The following XPO4 variants were observed in gnomAD, a reference collection of about 807,000 sequenced individuals.
XPO4 encodes exportin-4.
In XPO4, 39 loss-of-function variants were observed where a neutral mutation model predicts 143.0. That is an observed-to-expected ratio of 0.27 (90% CI 0.21 to 0.36). The LOEUF (loss-of-function observed/expected upper bound fraction) is 0.36. XPO4 is among the 10% of genes least tolerant of loss of function. XPO4 has a pLI of 1.00. For synonymous variants in XPO4, 439 were observed against 474.0 expected (o/e 0.93, Z 0.96); for missense variants, 907 against 1,348.0 (o/e 0.67, Z 5.12).
intron 1 of XPO4, chr13:20,879,396 G>A: frequency 1.2e-6 from 1 of 844,386 alleles, no homozygotes; most frequent in Middle Eastern, 6.0e-4. Context: ...TTCAGACAAT[G>A]AATACCCACA....
At chr13:20,796,367 C>A in intron 17 of XPO4, 111 bp from the exon 18 acceptor site, 1 of 809,298 alleles carries the variant, frequency 1.2e-6, no homozygotes, top group African/African-American at 1.8e-5. Flanking sequence ...AGCAATAATT[C>A]TTGCTTTAAA....
chr13:20,891,796 A>T (rs1368228795), intron 1 of XPO4, among the ~76,000 whole-genome samples: 2 of 150,714 alleles, frequency 1.3e-5, no homozygotes, highest in African/African-American at 4.9e-5. Context: ...CCGGGAGGTG[A>T]AGGTTGCAGT....
intron 4 of XPO4, chr13:20,852,118 C>T (rs2060095669): frequency 1.0e-6 from 1 of 985,252 alleles, no homozygotes; most frequent in Admixed American, 6.2e-5. Context: ...AAATTCTACC[C>T]CAATACCAAA....
intron 1 of XPO4, among the ~76,000 whole-genome samples, chr13:20,875,591 A>G (rs2060343092): frequency 6.6e-6 from 1 of 152,150 alleles, no homozygotes; most frequent in African/African-American, 2.4e-5. Context: ...CCTCTCTCAC[A>G]TAAAGCCTCG....
At chr13:20,882,226 A>G (rs1350927713) in intron 1 of XPO4, among the ~76,000 whole-genome samples, 6 of 152,108 alleles carry the variant, frequency 3.9e-5, no homozygotes, top group East Asian at 1.9e-4. Context: ...GTCCCTTCAC[A>G]TTACTATAAA....
rs746682874 is a variant in XPO4 at position 20,796,155 on chromosome 13, CTCT to C, written c.2715_2717del (p.Glu906del). The C allele has an allele frequency of 9.9e-6, 16 of 1,613,718 alleles. No homozygotes were observed. Among genetic ancestry groups the C allele is most frequent in the Non-Finnish European group, 1.4e-5 (16 of 1,179,918 alleles). On this transcript the variant is annotated inframe_deletion, in exon 18 of 23. Transcript: ENST00000255305. ...TAATGAGAAGCAGGTCTTGGTATTGCTCTTCTTCTGCTGTAACATCTATTCTTT... is the reference window on the plus strand; with the variant it reads ...TAATGAGAAGCAGGTCTTGGTATTGCTCTTCTGCTGTAACATCTATTCTTT...
chr13:20,820,775 C>T (rs892217875), intron 9 of XPO4, among the ~76,000 whole-genome samples: 3 of 152,134 alleles, frequency 2.0e-5, no homozygotes, highest in African/African-American at 2.4e-5. Context: ...TAATCATTCT[C>T]GAGTTCTCTA....
At chr13:20,836,926 T>C (rs2059923369) in intron 6 of XPO4, among the ~76,000 whole-genome samples, 1 of 152,246 alleles carries the variant, frequency 6.6e-6, no homozygotes, top group African/African-American at 2.4e-5. Context: ...ATATAATTTG[T>C]GGTCTTTTGT....
intron 18 of XPO4, among the ~76,000 whole-genome samples, chr13:20,795,105 A>C (rs531046256): frequency 2.6e-5 from 4 of 152,268 alleles, no homozygotes; most frequent in African/African-American, 9.6e-5. Context: ...AGTCAAGTGG[A>C]TATTATAGCA....
intron 9 of XPO4, among the ~76,000 whole-genome samples, chr13:20,820,885 A>G (rs75375606): frequency 7.2e-4 from 110 of 152,362 alleles, no homozygotes; most frequent in African/African-American, 2.4e-3. Context: ...CTAACAAAAT[A>G]TCTACATTCT....
chr13:20,832,673 C>G (rs1281806045), intron 6 of XPO4, among the ~76,000 whole-genome samples: 1 of 152,100 alleles, frequency 6.6e-6, no homozygotes, highest in African/African-American at 2.4e-5. Context: ...ATTAAATTTT[C>G]TAACAACAAA....
intron 13 of XPO4, among the ~76,000 whole-genome samples, chr13:20,806,622 A>G (rs1830022481): frequency 8.1e-6 from 1 of 122,794 alleles, no homozygotes; most frequent in Non-Finnish European, 1.6e-5. Context: ...GTGCAATCTG[A>G]GCTCACTGCA....
intron 1 of XPO4, among the ~76,000 whole-genome samples, chr13:20,882,015 C>G (rs779775820): frequency 3.4e-5 from 5 of 148,980 alleles, no homozygotes; most frequent in Non-Finnish European, 7.4e-5. Context: ...GAGGCTGAGA[C>G]AGGAGAATCG....
At chr13:20,816,028 G>A (rs2059645912) in intron 9 of XPO4, among the ~76,000 whole-genome samples, 1 of 152,274 alleles carries the variant, frequency 6.6e-6, no homozygotes, top group African/African-American at 2.4e-5. Flanking sequence ...TTCTTAATCT[G>A]CGTGGTTGAT....
rs2059727811 is a variant in XPO4, at chr13:20,822,117, G to A, written c.998+15C>T. ...TAGAGCTCCTTTTTCAGCTGCAAAGGGCAAGTATACCTACCCATTGATAGT... is the reference window on the plus strand; with the variant it reads ...TAGAGCTCCTTTTTCAGCTGCAAAGAGCAAGTATACCTACCCATTGATAGT... On this transcript the variant is annotated intron_variant, in intron 8 of 22. Coordinates refer to ENST00000255305, the MANE Select transcript of XPO4 (RefSeq NM_022459.5). 2 of 1,591,648 alleles carry A rather than the reference G, an allele frequency of 1.3e-6. No individual in the cohort carries two copies. Among genetic ancestry groups the A allele is most frequent in the Non-Finnish European group, 8.5e-7 (1 of 1,169,890 alleles).
At chr13:20,897,081 A>C (rs2060576677) in intron 1 of XPO4, among the ~76,000 whole-genome samples, 1 of 152,210 alleles carries the variant, frequency 6.6e-6, no homozygotes, top group African/African-American at 2.4e-5. Flanking sequence ...GAGAAAAAGA[A>C]TGCTGTGCCA....
rs2059165538 is a variant in XPO4, at chr13:20,783,642, TA to T, written c.*79del. 3 of 1,479,814 alleles carry T rather than the reference TA, an allele frequency of 2.0e-6. No homozygotes were observed. The African/African-American group carries it at 4.2e-5, about 21-fold the overall frequency. 91.7% of individuals were successfully genotyped at this position (1,479,814 alleles called of 1,614,324 possible). ...CAAAATGGCCAAATGAACTGAGGAA[TA>T]GGACAAGACTCAAGTCAACTTTCAG... On this transcript the variant is annotated 3_prime_UTR_variant, in exon 23 of 23. Transcript: ENST00000255305.
At chr13:20,838,527 G>A (rs548527746) in intron 6 of XPO4, among the ~76,000 whole-genome samples, 3 of 150,308 alleles carry the variant, frequency 2.0e-5, no homozygotes, top group South Asian at 2.1e-4. Flanking sequence ...GGAGAATGGC[G>A]TGAACCTGGG....
At chr13:20,852,842 T>C (rs1488544012) in intron 4 of XPO4, 1 of 984,532 alleles carries the variant, frequency 1.0e-6, no homozygotes, top group Non-Finnish European at 1.2e-6. Flanking sequence ...GCTATTTGTG[T>C]AACAGAAAAT....
Sources: gnomAD v4.1 joint callset for allele counts (sites outside exome capture counted in the v4.1 genomes callset) on GRCh38, gnomAD v4.1.1 for gene constraint, MANE v1.5 for transcripts, NCBI Gene and HGNC (gene_info 2026-07-23, HGNC 2026-07-21) for gene names.